ROBO1: variants seen among roughly 807,000 people sequenced by gnomAD.
ROBO1 encodes roundabout guidance receptor 1, also known as roundabout homolog 1.
ROBO1 carries 149 observed loss-of-function variants against 195.9 expected under a neutral mutation model. That is an observed-to-expected ratio of 0.76 (90% CI 0.67 to 0.87). The LOEUF (loss-of-function observed/expected upper bound fraction) is 0.87, where lower values mean the gene tolerates loss of function less well. Ranked by LOEUF, ROBO1 falls within the 40% of genes least tolerant of loss-of-function variation. The pLI, the probability that ROBO1 is intolerant of heterozygous loss-of-function variation, is 0.00. For missense variants in ROBO1, 1,933 were observed against 2,068.3 expected (o/e 0.93, Z 1.27); for synonymous variants, 816 against 733.2 (o/e 1.11, Z -1.82).
chr3:79,215,735 T>C (rs569238073), intron 2 of ROBO1, among the ~76,000 whole-genome samples: 4 of 152,358 alleles, frequency 2.6e-5, no homozygotes, highest in East Asian at 1.9e-4. Context: ...CCTTCCATTC[T>C]TTCTGCCTGT....
At chr3:79,672,979 C>A (rs533198783) in intron 1 of ROBO1, among the ~76,000 whole-genome samples, 1 of 151,846 alleles carries the variant, frequency 6.6e-6, no homozygotes, top group Non-Finnish European at 1.5e-5. Flanking sequence ...CTCTCAAGAG[C>A]GAGCAATGCC....
intron 2 of ROBO1, among the ~76,000 whole-genome samples, chr3:79,301,750 A>G (rs2109062621): frequency 6.6e-6 from 1 of 152,330 alleles, no homozygotes; most frequent in African/African-American, 2.4e-5. Flanking sequence ...TTCTCCTTCA[A>G]AAGCTCATAG....
intron 4 of ROBO1, among the ~76,000 whole-genome samples, chr3:78,903,383 G>A (rs2037701669): frequency 6.6e-6 from 1 of 151,572 alleles, no homozygotes; most frequent in African/African-American, 2.4e-5. Context: ...CCCAACACCT[G>A]CCTTCCAACT....
intron 2 of ROBO1, among the ~76,000 whole-genome samples, chr3:79,373,297 G>A (rs1259541056): frequency 6.7e-6 from 1 of 150,322 alleles, no homozygotes; most frequent in South Asian, 2.1e-4. Flanking sequence ...TTTTCCTTAT[G>A]TGTAATCTGT....
At chr3:79,370,443 A>G (rs1328496423) in intron 2 of ROBO1, among the ~76,000 whole-genome samples, 3 of 152,030 alleles carry the variant, frequency 2.0e-5, no homozygotes, top group Admixed American at 6.6e-5. Context: ...ACAAAACCCT[A>G]TGCATGGGTA....
Position 79,709,316 on chromosome 3 carries a change from A to G in ROBO1, c.-51+58436T>C, listed in dbSNP as rs73849820. On this transcript the variant is annotated intron_variant, in intron 1 of 30. Transcript: ENST00000464233. ...ACAAACTTGTCAAATCTTTTTTAAT[A>G]GTTTATATAATTAGTCTAATATGTA... Among the ~76,000 whole-genome samples, 1,341 of 152,226 alleles carry G rather than the reference A, an allele frequency of 8.8e-3. 14 individuals are homozygous for G. The highest frequency in any genetic ancestry group is 0.031 in the African/African-American group (1,289 of 41,556).
chr3:79,710,855 G>C (rs1331042913), intron 1 of ROBO1, among the ~76,000 whole-genome samples: 1 of 152,130 alleles, frequency 6.6e-6, no homozygotes, highest in Non-Finnish European at 1.5e-5. Context: ...TGTAAAGTTA[G>C]TTTGAATATC....
intron 4 of ROBO1, among the ~76,000 whole-genome samples, chr3:78,856,823 A>C (rs979652614): frequency 1.3e-5 from 2 of 150,342 alleles, no homozygotes; most frequent in Non-Finnish European, 1.5e-5. Context: ...CATTTTATTA[A>C]AATACATTTG....
In ROBO1 at chr3:78,757,081, A is replaced by G. The variant is rs190258651; in HGVS notation, c.500-10181T>C. On this transcript the variant is annotated intron_variant, in intron 4 of 30. Coordinates refer to ENST00000464233, the MANE Select transcript of ROBO1 (RefSeq NM_002941.4). ...TAATTTTTGTACTTTTAGTAGAGAC[A>G]GGGTTTCGCAATGTTGGCCAGGCTG... 2.6e-3 allele frequency among the ~76,000 whole-genome samples: 399 copies of G among 152,180 alleles called. 3 individuals carry two copies. The highest frequency in any genetic ancestry group is 8.8e-3 in the African/African-American group (366 of 41,542).
At chr3:79,630,489 C>A (rs1409863649) in intron 1 of ROBO1, among the ~76,000 whole-genome samples, 2 of 151,992 alleles carry the variant, frequency 1.3e-5, no homozygotes, top group African/African-American at 4.8e-5. Context: ...AAGAATCATA[C>A]CTCAAAATAA....
chr3:79,290,698 G>C (rs2032192621), intron 2 of ROBO1, among the ~76,000 whole-genome samples: 1 of 152,100 alleles, frequency 6.6e-6, no homozygotes, highest in Non-Finnish European at 1.5e-5. Flanking sequence ...CCTTCTTAAA[G>C]AGTGCTTAAT....
rs1216602508 is a variant in ROBO1, at chr3:78,598,441, T to TATG, written c.*469_*471dup. 1 of 152,972 alleles carries TATG rather than the reference T, an allele frequency of 6.5e-6. No individual in the cohort carries two copies. The highest frequency in any genetic ancestry group is 1.9e-4 in the East Asian group (1 of 5,210). 9.5% of individuals were successfully genotyped at this position (152,972 alleles called of 1,614,324 possible). On this transcript the variant is annotated 3_prime_UTR_variant, in exon 31 of 31. Transcript: ENST00000464233. ...ATTTTGAAATCATGTTAAAATGAAA[T>TATG]ATGTTTTAATTTGCATTAGCAGTTG...
At chr3:79,201,654 T>C (rs2081766286) in intron 2 of ROBO1, among the ~76,000 whole-genome samples, 1 of 151,910 alleles carries the variant, frequency 6.6e-6, no homozygotes, top group Non-Finnish European at 1.5e-5. Flanking sequence ...TCTTCCTGTT[T>C]TCTGGATTGT....
At chr3:79,300,998 T>TG (rs2032917063) in intron 2 of ROBO1, among the ~76,000 whole-genome samples, 1 of 151,998 alleles carries the variant, frequency 6.6e-6, no homozygotes. Context: ...AAGATGTGGG[T>TG]GGGGCCAGAT....
At chr3:79,550,866 A>G (rs1160168522) in intron 2 of ROBO1, among the ~76,000 whole-genome samples, 2 of 152,192 alleles carry the variant, frequency 1.3e-5, no homozygotes, top group Admixed American at 1.3e-4. Flanking sequence ...CCAAAGCCTT[A>G]ATCCCCAATG....
intron 2 of ROBO1, among the ~76,000 whole-genome samples, chr3:79,226,052 T>C (rs1292803103): frequency 2.6e-5 from 4 of 152,196 alleles, no homozygotes; most frequent in Non-Finnish European, 4.4e-5. Flanking sequence ...GTTTGCCTTA[T>C]AAGAAAACCA....
chr3:79,579,993 T>C (rs1254133829), intron 2 of ROBO1, among the ~76,000 whole-genome samples: 1 of 151,972 alleles, frequency 6.6e-6, no homozygotes, highest in Non-Finnish European at 1.5e-5. Context: ...GCTAAGAACT[T>C]AAACAAGATA....
chr3:79,727,398 A>T (rs531799669), intron 1 of ROBO1, among the ~76,000 whole-genome samples: 8 of 152,324 alleles, frequency 5.3e-5, no homozygotes, highest in East Asian at 1.9e-4. Context: ...TAATATTGAC[A>T]CTGCAATTCA....
intron 1 of ROBO1, among the ~76,000 whole-genome samples, chr3:79,611,257 T>C (rs909430369): frequency 6.6e-6 from 1 of 152,072 alleles, no homozygotes; most frequent in Non-Finnish European, 1.5e-5. Flanking sequence ...GATAATATCA[T>C]TTGAATATGT....
Sources: gnomAD v4.1 joint callset for allele counts (sites outside exome capture counted in the v4.1 genomes callset) on GRCh38, gnomAD v4.1.1 for gene constraint, MANE v1.5 for transcripts, NCBI Gene and HGNC (gene_info 2026-07-23, HGNC 2026-07-21) for gene names.